Variants in TAFA4 observed in about 807,000 individuals in gnomAD.
The protein encoded by TAFA4 is chemokine-like protein TAFA-4.
TAFA4 carries 20 observed loss-of-function variants against 21.1 expected under a neutral mutation model. That is an observed-to-expected ratio of 0.95 (90% CI 0.67 to 1.38). TAFA4 has a LOEUF of 1.38. Among genes scored for constraint, TAFA4 ranks in the 40% most tolerant of loss-of-function variants. The pLI, the probability that TAFA4 is intolerant of heterozygous loss-of-function variation, is 0.00. For synonymous variants in TAFA4, 71 were observed against 67.4 expected (o/e 1.05, Z -0.26); for missense variants, 211 against 180.9 (o/e 1.17, Z -0.95).
chr3:68,893,715 C>T (rs902806302), intron 1 of TAFA4, among the ~76,000 whole-genome samples: 3 of 152,142 alleles, frequency 2.0e-5, no homozygotes, highest in South Asian at 2.1e-4. Flanking sequence ...AGACAAAGCC[C>T]GTCGCAGACA....
intron 3 of TAFA4, among the ~76,000 whole-genome samples, chr3:68,774,925 G>T (rs2130437): frequency 0.32 from 47,859 of 151,852 alleles, 8,219 homozygotes; most frequent in Non-Finnish European, 0.39. Context: ...CTTGTTCTCG[G>T]GATATTAAAA....
intron 3 of TAFA4, among the ~76,000 whole-genome samples, chr3:68,763,305 A>G (rs968361998): frequency 6.6e-6 from 1 of 152,212 alleles, no homozygotes; most frequent in Non-Finnish European, 1.5e-5. Context: ...ACTATATTAC[A>G]TTATTTCCCC....
chr3:68,787,598 C>T (rs1703284945), intron 3 of TAFA4, among the ~76,000 whole-genome samples: 1 of 152,174 alleles, frequency 6.6e-6, no homozygotes, highest in African/African-American at 2.4e-5. Context: ...GAGCCACTTA[C>T]ACATCAGAGC....
chr3:68,841,562 T>A (rs1575635617), intron 3 of TAFA4, among the ~76,000 whole-genome samples: 1 of 151,850 alleles, frequency 6.6e-6, no homozygotes, highest in East Asian at 1.9e-4. Context: ...TTTTTCTGAT[T>A]TTTTTTTAAT....
intron 3 of TAFA4, among the ~76,000 whole-genome samples, chr3:68,768,783 T>C (rs545851937): frequency 2.0e-5 from 3 of 152,256 alleles, no homozygotes; most frequent in South Asian, 2.1e-4. Flanking sequence ...AATCCTGTCA[T>C]TGGTGACAAC....
In TAFA4 at chr3:68,884,305, T is replaced by A. The variant is rs532521569; in HGVS notation, c.14+870A>T. Among the ~76,000 whole-genome samples the A allele has an allele frequency of 2.7e-4, 41 of 152,190 alleles. 1 individual carries two copies. In the South Asian group the frequency reaches 7.7e-3, roughly 29 times the overall value. ...AACGCAACAGCTGGAGCCTGGAGAA[T>A]AGGAAAAGGGATAGGCCAGGACATT... is the stretch of plus-strand genomic sequence containing the variant. On this transcript the variant is annotated intron_variant, in intron 2 of 5. Transcript: ENST00000295569.
intron 3 of TAFA4, among the ~76,000 whole-genome samples, chr3:68,789,764 A>C (rs11920860): frequency 0.03 from 4,514 of 152,304 alleles, 177 homozygotes; most frequent in African/African-American, 0.085. Flanking sequence ...GCCACTGTAA[A>C]AATATCCATC....
chr3:68,821,318 C>T (rs1465468526), intron 3 of TAFA4, among the ~76,000 whole-genome samples: 2 of 143,476 alleles, frequency 1.4e-5, no homozygotes, highest in Non-Finnish European at 3.0e-5. Context: ...ATGTAGACAA[C>T]CTCCCTGCTT....
intron 1 of TAFA4, among the ~76,000 whole-genome samples, chr3:68,917,711 G>A (rs1468848611): frequency 5.9e-5 from 8 of 135,266 alleles, no homozygotes; most frequent in African/African-American, 8.6e-5. Flanking sequence ...CTGAGATCGC[G>A]CCACTGCACT....
At chr3:68,859,763 C>T (rs1377708307) in intron 3 of TAFA4, among the ~76,000 whole-genome samples, 1 of 151,884 alleles carries the variant, frequency 6.6e-6, no homozygotes, top group Admixed American at 6.6e-5. Context: ...GTATGGACAC[C>T]CAGAATGCTA....
chr3:68,748,596 T>C (rs1559757915), intron 4 of TAFA4, among the ~76,000 whole-genome samples: 1 of 151,964 alleles, frequency 6.6e-6, no homozygotes. Flanking sequence ...ACAAAAAAAT[T>C]AGCCAGGCAT....
At chr3:68,854,700 A>G (rs961174382) in intron 3 of TAFA4, among the ~76,000 whole-genome samples, 12 of 150,554 alleles carry the variant, frequency 8.0e-5, no homozygotes, top group Non-Finnish European at 1.6e-4. Context: ...CCTCTAATAC[A>G]TTCTTCTCTC....
intron 1 of TAFA4, among the ~76,000 whole-genome samples, chr3:68,930,183 C>T (rs2090146042): frequency 6.6e-6 from 1 of 152,114 alleles, no homozygotes; most frequent in African/African-American, 2.4e-5. Flanking sequence ...AAACAATACA[C>T]ATGTCTAAAA....
chr3:68,773,015 G>C (rs1161514087), intron 3 of TAFA4, among the ~76,000 whole-genome samples: 2 of 152,144 alleles, frequency 1.3e-5, no homozygotes, highest in Non-Finnish European at 2.9e-5. Context: ...CTATATGAGA[G>C]AGCATCTATT....
At chr3:68,840,091 C>A (rs1704623523) in intron 3 of TAFA4, among the ~76,000 whole-genome samples, 1 of 152,150 alleles carries the variant, frequency 6.6e-6, no homozygotes, top group East Asian at 1.9e-4. Flanking sequence ...GCTAAAGTCA[C>A]CAGAAAAGAT....
chr3:68,918,641 A>C lies in TAFA4; in HGVS notation c.-123+13599T>G, dbSNP rs557763893. Among the ~76,000 whole-genome samples, 6 of 152,290 alleles carry C rather than the reference A, an allele frequency of 3.9e-5. 1 individual carries two copies. The highest frequency in any genetic ancestry group is 1.3e-4 in the Admixed American group (2 of 15,292). ...CAGCCTTGACCTCCTTGGTTCAAGC[A>C]ATCCCCCCATCTCAGCCACCTAAGT... On this transcript the variant is annotated intron_variant, in intron 1 of 5. Transcript: ENST00000295569.
intron 5 of TAFA4, among the ~76,000 whole-genome samples, chr3:68,734,250 A>G (rs1011303083): frequency 6.6e-6 from 1 of 152,210 alleles, no homozygotes; most frequent in Non-Finnish European, 1.5e-5. Context: ...TGTAAAACCC[A>G]GTCTTAGCTC....
At chr3:68,919,186 G>C (rs2090033927) in intron 1 of TAFA4, among the ~76,000 whole-genome samples, 1 of 152,202 alleles carries the variant, frequency 6.6e-6, no homozygotes, top group Non-Finnish European at 1.5e-5. Flanking sequence ...GGAGCTGTCT[G>C]AGGTGCTTAA....
chr3:68,734,762 T>C (rs1360075162), intron 5 of TAFA4, among the ~76,000 whole-genome samples: 1 of 152,086 alleles, frequency 6.6e-6, no homozygotes, highest in Non-Finnish European at 1.5e-5. Flanking sequence ...AAATAAAATA[T>C]GTGACTTGAA....
Sources: allele counts gnomAD v4.1 joint callset (sites outside exome capture counted in the v4.1 genomes callset), GRCh38; gene constraint gnomAD v4.1.1; transcripts MANE v1.5; gene names NCBI Gene and HGNC (gene_info 2026-07-23, HGNC 2026-07-21).